Variants in NTRK3 observed in about 807,000 individuals in gnomAD.
The protein encoded by NTRK3 is neurotrophic receptor tyrosine kinase 3, also known as NT-3 growth factor receptor.
Under a neutral mutation model 91.7 loss-of-function variants are expected in NTRK3, and 24 were observed. The observed-to-expected ratio is 0.26, with a 90% CI of 0.19 to 0.37. NTRK3 has a LOEUF of 0.37. NTRK3 is among the 10% of genes least tolerant of loss of function. The pLI, the probability that NTRK3 is intolerant of heterozygous loss-of-function variation, is 1.00. For synonymous variants in NTRK3, 483 were observed against 404.0 expected (o/e 1.20, Z -2.34); for missense variants, 880 against 1,068.9 (o/e 0.82, Z 2.46).
chr15:87,925,287 T>C (rs1596275816), intron 17 of NTRK3, among the ~76,000 whole-genome samples: 1 of 152,236 alleles, frequency 6.6e-6, no homozygotes, highest in East Asian at 1.9e-4. Context: ...AAATCGTCTG[T>C]ATACCACTTA....
chr15:88,161,258 G>A (rs748711656), intron 5 of NTRK3, among the ~76,000 whole-genome samples: 1 of 152,212 alleles, frequency 6.6e-6, no homozygotes, highest in Non-Finnish European at 1.5e-5. Context: ...ACAGAGAGGA[G>A]ATTACAGAGC....
intron 14 of NTRK3, among the ~76,000 whole-genome samples, chr15:88,022,373 T>C (rs1322078948): frequency 2.0e-5 from 3 of 152,216 alleles, no homozygotes; most frequent in Non-Finnish European, 4.4e-5. Flanking sequence ...TGCTCATCTT[T>C]TGATTCCTAT....
At chr15:88,205,197 G>C (rs1835288929) in intron 3 of NTRK3, among the ~76,000 whole-genome samples, 1 of 152,200 alleles carries the variant, frequency 6.6e-6, no homozygotes, top group African/African-American at 2.4e-5. Context: ...TCTGGATTCA[G>C]GGTTTAAAAT....
At chr15:88,048,334 G>A (rs1245031098) in intron 13 of NTRK3, among the ~76,000 whole-genome samples, 1 of 152,196 alleles carries the variant, frequency 6.6e-6, no homozygotes, top group Non-Finnish European at 1.5e-5. Context: ...GCTGGGCAAA[G>A]TCCCATATTC....
At chr15:88,195,780 G>A (rs569076762) in intron 3 of NTRK3, among the ~76,000 whole-genome samples, 128 of 152,324 alleles carry the variant, frequency 8.4e-4, no homozygotes, top group South Asian at 1.4e-3. Context: ...AGGGGTCTTG[G>A]GGGGAAAAGC....
intron 3 of NTRK3, among the ~76,000 whole-genome samples, chr15:88,194,611 A>G (rs1351270344): frequency 1.3e-5 from 2 of 152,200 alleles, no homozygotes; most frequent in Non-Finnish European, 2.9e-5. Context: ...CCAAAACATG[A>G]CTACTGTTTC....
chr15:88,174,223 G>C lies in NTRK3; in HGVS notation c.395+9195C>G, dbSNP rs574572014. 2.6e-5 allele frequency among the ~76,000 whole-genome samples: 4 copies of C among 152,248 alleles called. No individual in the cohort carries two copies. The South Asian group carries it at 6.2e-4, about 24-fold the overall frequency. ...CCCAAAATGCTATGAGGTCAGGATTGGGCCACTTATAACACTGTCTCATGT... is the reference window on the plus strand; with the variant it reads ...CCCAAAATGCTATGAGGTCAGGATTCGGCCACTTATAACACTGTCTCATGT... On this transcript the variant is annotated intron_variant, in intron 5 of 18. Transcript: ENST00000394480.
At chr15:88,001,328 G>A (rs2076085307) in intron 14 of NTRK3, among the ~76,000 whole-genome samples, 1 of 151,960 alleles carries the variant, frequency 6.6e-6, no homozygotes, top group Non-Finnish European at 1.5e-5. Context: ...AAGCAAAAAA[G>A]TTTTCAATTT....
At chr15:88,159,777 T>C (rs1485758994) in intron 5 of NTRK3, among the ~76,000 whole-genome samples, 1 of 152,050 alleles carries the variant, frequency 6.6e-6, no homozygotes, top group African/African-American at 2.4e-5. Context: ...TGGAACTTGA[T>C]GGAGAATCTC....
Position 88,018,740 on chromosome 15 carries a change from G to A in NTRK3, c.1585+14117C>T, listed in dbSNP as rs186652840. Among the ~76,000 whole-genome samples, 12 of 152,166 alleles carry A rather than the reference G, an allele frequency of 7.9e-5. No individual in the cohort carries two copies. In the East Asian group the frequency reaches 1.5e-3, roughly 20 times the overall value. ...GAAAGTAATAGAAGCTACCTCATAG[G>A]ATTTTTATGAGGATTAAACAATTTA... On this transcript the variant is annotated intron_variant, in intron 14 of 18. Coordinates refer to ENST00000394480, the Ensembl canonical transcript of NTRK3.
chr15:87,948,415 C>T (rs978787985), intron 14 of NTRK3, among the ~76,000 whole-genome samples: 13 of 152,182 alleles, frequency 8.5e-5, no homozygotes, highest in South Asian at 2.1e-4. Context: ...AGGCCAGGTG[C>T]GGTGGCTCAC....
At chr15:88,136,201 G>A (rs904511487) in intron 8 of NTRK3, among the ~76,000 whole-genome samples, 161 bp from the exon 9 acceptor site, 2 of 152,242 alleles carry the variant, frequency 1.3e-5, no homozygotes, top group Non-Finnish European at 2.9e-5. Context: ...CTCCTCATAG[G>A]CAATAGTTCA....
intron 5 of NTRK3, among the ~76,000 whole-genome samples, chr15:88,150,297 A>G (rs759725576): frequency 2.4e-4 from 37 of 152,372 alleles, no homozygotes; most frequent in Middle Eastern, 3.4e-3. Flanking sequence ...GCAGGCTGCC[A>G]GCGATGTCCT....
intron 14 of NTRK3, among the ~76,000 whole-genome samples, chr15:88,012,693 T>C (rs1018204796): frequency 6.6e-6 from 1 of 152,258 alleles, no homozygotes; most frequent in Non-Finnish European, 1.5e-5. Context: ...TATAATGCAC[T>C]ATTAGTAACT....
At chr15:88,034,153 G>A (rs1462012695) in intron 13 of NTRK3, among the ~76,000 whole-genome samples, 2 of 152,136 alleles carry the variant, frequency 1.3e-5, no homozygotes, top group African/African-American at 4.8e-5. Flanking sequence ...TCACAGGGAG[G>A]TAAGTCCACT....
rs541143259 is a variant in NTRK3 at position 88,060,284 on chromosome 15, T to G, written c.1397-27239A>C. ...CTGTAATCCCAGCTACTTGGGAGGC[T>G]GAGGCAGGAAACTCGCTTAAACCCA... On this transcript the variant is annotated intron_variant, in intron 13 of 18. Coordinates refer to ENST00000394480, the Ensembl canonical transcript of NTRK3. Among the ~76,000 whole-genome samples the G allele has an allele frequency of 2.0e-4, 30 of 150,892 alleles. 1 individual carries two copies. The South Asian group carries it at 6.3e-3, about 32-fold the overall frequency.
chr15:88,119,307 C>CA (rs2052445705), intron 13 of NTRK3, among the ~76,000 whole-genome samples: 2 of 152,208 alleles, frequency 1.3e-5, no homozygotes, highest in Non-Finnish European at 2.9e-5. Flanking sequence ...TGTCTGCAGT[C>CA]AGAGCCTCCC....
At chr15:88,157,910 G>A (rs866094048) in intron 5 of NTRK3, among the ~76,000 whole-genome samples, 2 of 152,140 alleles carry the variant, frequency 1.3e-5, no homozygotes, top group Admixed American at 1.3e-4. Flanking sequence ...CTCAAACCAG[G>A]GCAGCTGAGG....
intron 17 of NTRK3, among the ~76,000 whole-genome samples, chr15:87,891,957 C>A (rs892693665): frequency 1.3e-5 from 2 of 152,040 alleles, no homozygotes; most frequent in African/African-American, 4.8e-5. Flanking sequence ...GTCTATCCAG[C>A]GTGTACTCAG....
Sources: gnomAD v4.1 joint callset for allele counts (sites outside exome capture counted in the v4.1 genomes callset) on GRCh38, gnomAD v4.1.1 for gene constraint, MANE v1.5 for transcripts, NCBI Gene and HGNC (gene_info 2026-07-23, HGNC 2026-07-21) for gene names.